The following ZNF503 variants were observed in gnomAD, a reference collection of about 807,000 sequenced individuals.
ZNF503 encodes zinc finger protein 503.
ZNF503 carries 15 observed loss-of-function variants against 34.4 expected under a neutral mutation model. The ratio of observed to expected loss-of-function variants is 0.44; its 90% confidence interval spans 0.29 to 0.67. The LOEUF (loss-of-function observed/expected upper bound fraction) is 0.67, where lower values mean the gene tolerates loss of function less well. ZNF503 is among the 30% of genes least tolerant of loss of function. The probability of loss-of-function intolerance (pLI) is 0.13; values close to 1 mark genes in which losing one functional copy is unlikely to be tolerated. For missense variants in ZNF503, 1,007 were observed against 926.8 expected (o/e 1.09, Z -1.12); for synonymous variants, 580 against 456.8 (o/e 1.27, Z -3.44).
the ZNF503 span, among the ~76,000 whole-genome samples, chr10:75,369,423 A>G: frequency 6.6e-6 from 1 of 152,186 alleles, no homozygotes; most frequent in East Asian, 1.9e-4. Flanking sequence ...GTGAGTTCTC[A>G]TGAGATCTGA....
chr10:75,282,781 G>T, the ZNF503 span, among the ~76,000 whole-genome samples: 1 of 152,176 alleles, frequency 6.6e-6, no homozygotes, highest in Non-Finnish European at 1.5e-5. Flanking sequence ...GTTGGGTCTT[G>T]GTGTCCTTGT....
chr10:75,292,945 C>T, the ZNF503 span, among the ~76,000 whole-genome samples: 1 of 152,160 alleles, frequency 6.6e-6, no homozygotes, highest in African/African-American at 2.4e-5. Flanking sequence ...GCTGCCCCAG[C>T]CCCGAGCCCT....
the ZNF503 span, among the ~76,000 whole-genome samples, chr10:75,317,138 C>T: frequency 1.6e-4 from 25 of 151,666 alleles, no homozygotes; most frequent in African/African-American, 5.1e-4. Context: ...GGCAGAGTTT[C>T]GCCATGCTGG....
chr10:75,311,157 C>T, the ZNF503 span, among the ~76,000 whole-genome samples: 2 of 152,286 alleles, frequency 1.3e-5, no homozygotes, highest in South Asian at 2.1e-4. Context: ...AGCTGAAGAA[C>T]TTGGACTCCA....
chr10:75,350,464 A>G, the ZNF503 span: 1 of 152,178 alleles, frequency 6.6e-6, no homozygotes, highest in African/African-American at 2.4e-5. Flanking sequence ...ACCACCCCCA[A>G]TCAGAGGTAA....
At chr10:75,283,933 T>G in the ZNF503 span, 2 of 152,198 alleles carry the variant, frequency 1.3e-5, no homozygotes, top group Non-Finnish European at 2.9e-5. Context: ...GGCCTGCATT[T>G]TTCTCATTCA....
At chr10:75,389,043 AGAACTGCT>A in the ZNF503 span, among the ~76,000 whole-genome samples, 1 of 152,240 alleles carries the variant, frequency 6.6e-6, no homozygotes, top group African/African-American at 2.4e-5. Context: ...AAAAGGCTTA[AGAACTGCT>A]GATGTGGAGC....
chr10:75,369,489 A>T, the ZNF503 span, among the ~76,000 whole-genome samples: 402 of 152,240 alleles, frequency 2.6e-3, no homozygotes, highest in Non-Finnish European at 4.0e-3. Context: ...CCTTCCTGCC[A>T]TTATGTGAAG....
chr10:75,388,350 C>G, the ZNF503 span, among the ~76,000 whole-genome samples: 1 of 152,212 alleles, frequency 6.6e-6, no homozygotes, highest in African/African-American at 2.4e-5. Context: ...AAGCCACTAA[C>G]ATAACATCAC....
the ZNF503 span, among the ~76,000 whole-genome samples, chr10:75,368,976 G>A: frequency 3.9e-5 from 6 of 152,142 alleles, no homozygotes; most frequent in Non-Finnish European, 4.4e-5. Context: ...ACTGAGAATT[G>A]GATTTAAATA....
chr10:75,299,868 A>G, the ZNF503 span, among the ~76,000 whole-genome samples: 5 of 152,230 alleles, frequency 3.3e-5, no homozygotes, highest in African/African-American at 1.2e-4. Context: ...ATAGAATATC[A>G]CAAGGCAAAT....
chr10:75,385,478 T>C, the ZNF503 span, among the ~76,000 whole-genome samples: 1 of 152,198 alleles, frequency 6.6e-6, no homozygotes, highest in Admixed American at 6.5e-5. Flanking sequence ...GGCCAGGAGT[T>C]GTCTGAACCT....
the ZNF503 span, among the ~76,000 whole-genome samples, chr10:75,386,753 T>A: frequency 5.3e-5 from 8 of 152,354 alleles, no homozygotes; most frequent in South Asian, 1.2e-3. Flanking sequence ...CCTTTGATCC[T>A]GCTGGTCCTT....
chr10:75,362,757 G>T, the ZNF503 span, among the ~76,000 whole-genome samples: 1 of 152,092 alleles, frequency 6.6e-6, no homozygotes, highest in African/African-American at 2.4e-5. Flanking sequence ...GCTAATAGTT[G>T]TGCTCACCAA....
the ZNF503 span, among the ~76,000 whole-genome samples, chr10:75,388,752 T>C: frequency 6.6e-6 from 1 of 152,314 alleles, no homozygotes; most frequent in East Asian, 1.9e-4. Context: ...ATGTTACTTA[T>C]TGCAGTTGAT....
the ZNF503 span, among the ~76,000 whole-genome samples, chr10:75,384,749 C>T: frequency 6.6e-6 from 1 of 152,178 alleles, no homozygotes; most frequent in Non-Finnish European, 1.5e-5. Flanking sequence ...ACCCTGACTC[C>T]CCACACTGGG....
chr10:75,395,377 C>T (rs1357790636), downstream of ZNF503, among the ~76,000 whole-genome samples: 5 of 152,162 alleles, frequency 3.3e-5, no homozygotes, highest in Non-Finnish European at 5.9e-5. The surrounding 1 kb of genome is among the most constrained non-coding windows in gnomAD (Gnocchi z 4.4). Context: ...ACACCGCTCC[C>T]AAAGCCACGC....
chr10:75,400,904 G>A, intron 1 of ZNF503: 2 of 761,568 alleles, frequency 2.6e-6, no homozygotes, highest in Non-Finnish European at 4.2e-6. Flanking sequence ...TGGCAGCCTT[G>A]CTCCCTAGCA....
At chr10:75,366,825 G>A in the ZNF503 span, among the ~76,000 whole-genome samples, 3 of 152,312 alleles carry the variant, frequency 2.0e-5, no homozygotes, top group Middle Eastern at 3.4e-3. Context: ...CCTTCGTCCC[G>A]CGGGTGAGAT....
Sources: allele counts gnomAD v4.1 joint callset (sites outside exome capture counted in the v4.1 genomes callset), GRCh38; gene constraint gnomAD v4.1.1; non-coding constraint Gnocchi (gnomAD v3.1); transcripts MANE v1.5; gene names NCBI Gene and HGNC (gene_info 2026-07-23, HGNC 2026-07-21).